KIAA1328: variants seen among roughly 807,000 people sequenced by gnomAD.
KIAA1328 encodes protein hinderin.
A neutral mutation model predicts 68.1 loss-of-function variants in KIAA1328; 52 were observed. That is an observed-to-expected ratio of 0.76 (90% confidence interval 0.61 to 0.96). The LOEUF (loss-of-function observed/expected upper bound fraction) is 0.96, where lower values mean the gene tolerates loss of function less well. KIAA1328 is among the 40% of genes least tolerant of loss of function. KIAA1328 has a pLI of 0.00. For synonymous variants in KIAA1328, 232 were observed against 239.4 expected (o/e 0.97, Z 0.28); for missense variants, 641 against 677.6 (o/e 0.95, Z 0.60).
intron 6 of KIAA1328, among the ~76,000 whole-genome samples, chr18:37,004,599 ATG>A (rs1329992503): frequency 6.6e-6 from 1 of 152,106 alleles, no homozygotes; most frequent in Non-Finnish European, 1.5e-5. Context: ...TCACAAAATA[ATG>A]GATGTTGGTG....
intron 7 of KIAA1328, among the ~76,000 whole-genome samples, chr18:37,083,875 T>C (rs1355810529): frequency 6.6e-6 from 1 of 152,204 alleles, no homozygotes; most frequent in Non-Finnish European, 1.5e-5. Flanking sequence ...GTATCTATAA[T>C]TTTGAATTTT....
At chr18:37,098,694 C>T (rs553612193) in intron 7 of KIAA1328, among the ~76,000 whole-genome samples, 13 of 152,054 alleles carry the variant, frequency 8.5e-5, no homozygotes, top group East Asian at 1.9e-4. Flanking sequence ...GCTGTGAATC[C>T]GTCTGGTCCT....
chr18:37,177,653 C>T (rs957660812), intron 9 of KIAA1328, among the ~76,000 whole-genome samples: 3 of 151,904 alleles, frequency 2.0e-5, no homozygotes, highest in Non-Finnish European at 2.9e-5. Context: ...AATGACAACA[C>T]AAAAGCGTTA....
chr18:37,101,852 G>A (rs1375705743), intron 7 of KIAA1328, among the ~76,000 whole-genome samples: 2 of 152,130 alleles, frequency 1.3e-5, no homozygotes, highest in Non-Finnish European at 2.9e-5. Context: ...ACGAGAGTGG[G>A]GGCCAATATT....
chr18:37,072,385 CTA>C (rs2056567137), intron 7 of KIAA1328, among the ~76,000 whole-genome samples: 1 of 150,844 alleles, frequency 6.6e-6, no homozygotes, highest in African/African-American at 2.4e-5. Flanking sequence ...CTATTTTTCT[CTA>C]TACATAAAAT....
At chr18:37,075,886 A>G (rs2151770622) in intron 7 of KIAA1328, among the ~76,000 whole-genome samples, 1 of 152,236 alleles carries the variant, frequency 6.6e-6, no homozygotes, top group East Asian at 1.9e-4. Flanking sequence ...TAATAATGGG[A>G]GACTTTAACA....
chr18:37,220,185 C>A (rs996197968), intron 9 of KIAA1328, among the ~76,000 whole-genome samples: 1 of 152,156 alleles, frequency 6.6e-6, no homozygotes, highest in African/African-American at 2.4e-5. Flanking sequence ...TAGTTTCATA[C>A]ATGTTGGAAT....
At chr18:36,846,979 T>C in intron 4 of KIAA1328, among the ~76,000 whole-genome samples, 1 of 151,588 alleles carries the variant, frequency 6.6e-6, no homozygotes, top group East Asian at 1.9e-4. Context: ...TTTCTGTGTG[T>C]CTCTATAAAT....
intron 7 of KIAA1328, among the ~76,000 whole-genome samples, chr18:37,113,543 A>T (rs2058005679): frequency 6.6e-6 from 1 of 152,230 alleles, no homozygotes. Flanking sequence ...GGTACCAGCC[A>T]CTGCAAAAAC....
chr18:37,100,796 C>T (rs1052967707), intron 7 of KIAA1328, among the ~76,000 whole-genome samples: 4 of 152,162 alleles, frequency 2.6e-5, no homozygotes, highest in South Asian at 2.1e-4. Flanking sequence ...ACACCTCACA[C>T]GGCCAGGTAC....
chr18:37,022,899 C>T (rs1160011789), intron 6 of KIAA1328, among the ~76,000 whole-genome samples: 4 of 152,142 alleles, frequency 2.6e-5, no homozygotes, highest in African/African-American at 7.2e-5. Flanking sequence ...GATAGAGTTT[C>T]CTTAGTCCCT....
At chr18:36,935,744 T>G (rs1233735121) in intron 5 of KIAA1328, among the ~76,000 whole-genome samples, 1 of 152,116 alleles carries the variant, frequency 6.6e-6, no homozygotes, top group Non-Finnish European at 1.5e-5. Flanking sequence ...TAGTCTGTGT[T>G]AAGTATATAC....
chr18:37,194,687 C>G (rs1359341460), intron 9 of KIAA1328, among the ~76,000 whole-genome samples: 1 of 152,042 alleles, frequency 6.6e-6, no homozygotes, highest in Admixed American at 6.6e-5. Flanking sequence ...TTTTTTGAGA[C>G]AAAGTCTCTG....
chr18:37,109,369 T>A (rs770492511), intron 7 of KIAA1328, among the ~76,000 whole-genome samples: 5 of 152,210 alleles, frequency 3.3e-5, no homozygotes, highest in Non-Finnish European at 7.3e-5. Flanking sequence ...AAATAAAACA[T>A]GTTACCCCTC....
intron 6 of KIAA1328, among the ~76,000 whole-genome samples, chr18:37,012,743 C>T (rs1388697489): frequency 6.6e-6 from 1 of 152,128 alleles, no homozygotes; most frequent in Non-Finnish European, 1.5e-5. Flanking sequence ...TTAATAAATT[C>T]TGGTTATTTT....
intron 6 of KIAA1328, among the ~76,000 whole-genome samples, chr18:37,045,355 C>G (rs998255867): frequency 7.2e-5 from 11 of 152,260 alleles, no homozygotes; most frequent in African/African-American, 2.6e-4. Context: ...GCCACTTCTA[C>G]AAGATTAATG....
chr18:37,017,828 CCTTTA>C (rs1300461938), intron 6 of KIAA1328, among the ~76,000 whole-genome samples: 1 of 152,082 alleles, frequency 6.6e-6, no homozygotes, highest in East Asian at 1.9e-4. Flanking sequence ...TTTCTCCAAT[CCTTTA>C]CTTTGATCCT....
At chr18:37,004,703 G>A (rs913919083) in intron 6 of KIAA1328, among the ~76,000 whole-genome samples, 3 of 152,034 alleles carry the variant, frequency 2.0e-5, no homozygotes, top group South Asian at 4.1e-4. Context: ...ATTCCTTAAC[G>A]AACTAAAAGT....
At chr18:37,106,433 T>C (rs2057777450) in intron 7 of KIAA1328, among the ~76,000 whole-genome samples, 1 of 151,912 alleles carries the variant, frequency 6.6e-6, no homozygotes, top group Non-Finnish European at 1.5e-5. Flanking sequence ...TTTTTTTTTT[T>C]TTTTTGAGAC....
Sources: allele counts gnomAD v4.1 joint callset (sites outside exome capture counted in the v4.1 genomes callset), GRCh38; gene constraint gnomAD v4.1.1; transcripts MANE v1.5; gene names NCBI Gene and HGNC (gene_info 2026-07-23, HGNC 2026-07-21).